PAFAH1B2: variants seen among roughly 807,000 people sequenced by gnomAD.
The protein encoded by PAFAH1B2 is platelet activating factor acetylhydrolase 1b catalytic subunit 2, also known as platelet-activating factor acetylhydrolase IB subunit alpha2.
Under a neutral mutation model 28.0 loss-of-function variants are expected in PAFAH1B2, and 8 were observed. The ratio of observed to expected loss-of-function variants is 0.29; its 90% CI spans 0.17 to 0.52. PAFAH1B2 has a LOEUF of 0.52. Ranked by LOEUF, PAFAH1B2 falls within the 20% of genes least tolerant of loss-of-function variation. The pLI, the probability that PAFAH1B2 is intolerant of heterozygous loss-of-function variation, is 0.97. For missense variants in PAFAH1B2, 190 were observed against 282.6 expected (o/e 0.67, Z 2.35); for synonymous variants, 104 against 103.2 (o/e 1.01, Z -0.05).
chr11:117,175,531 A>G, downstream of PAFAH1B2: 2 of 1,102,680 alleles, frequency 1.8e-6, no homozygotes, highest in Non-Finnish European at 2.2e-6. Context: ...ATCCCTTCAG[A>G]GTTTGCTTGG....
chr11:117,153,146 A>T (rs1436134501), intron 2 of PAFAH1B2, among the ~76,000 whole-genome samples: 1 of 152,250 alleles, frequency 6.6e-6, no homozygotes, highest in African/African-American at 2.4e-5. Flanking sequence ...AATAGTCAAC[A>T]AGAATTTGTT....
Position 117,169,569 on chromosome 11 carries a change from C to T in PAFAH1B2, c.*1870C>T, listed in dbSNP as rs908177988. ...TGGGCTCATTTTTTTCTTGTGAAGTCTCTTTCTAGAAAATTTTTTGGTTTT... is the reference window on the plus strand; with the variant it reads ...TGGGCTCATTTTTTTCTTGTGAAGTTTCTTTCTAGAAAATTTTTTGGTTTT... On this transcript the variant is annotated 3_prime_UTR_variant, in exon 6 of 6. Transcript: ENST00000527958. 28 of 1,054,962 alleles carry T rather than the reference C, an allele frequency of 2.7e-5. No homozygotes were observed. The African/African-American group carries it at 4.6e-4, about 17-fold the overall frequency. 65.4% of individuals were successfully genotyped at this position (1,054,962 alleles called of 1,614,324 possible).
chr11:117,146,437 A>T (rs553777741), intron 1 of PAFAH1B2, among the ~76,000 whole-genome samples: 1 of 152,112 alleles, frequency 6.6e-6, no homozygotes, highest in African/African-American at 2.4e-5. Context: ...GTTCGTTCTT[A>T]TTTTATGTGT....
chr11:117,149,430 GTTT>G (rs746125678), intron 1 of PAFAH1B2, among the ~76,000 whole-genome samples: 2 of 86,050 alleles, frequency 2.3e-5, no homozygotes, highest in African/African-American at 9.3e-5. Flanking sequence ...TTTTCTAATC[GTTT>G]TTTTTTTTTT....
downstream of PAFAH1B2, chr11:117,171,067 C>G: frequency 2.0e-6 from 2 of 1,024,696 alleles, no homozygotes; most frequent in Non-Finnish European, 2.3e-6. Flanking sequence ...CTTTCTGTCT[C>G]CTTTATCATA....
chr11:117,158,376 T>G (rs899195038), intron 2 of PAFAH1B2, among the ~76,000 whole-genome samples: 2 of 151,698 alleles, frequency 1.3e-5, no homozygotes, highest in Non-Finnish European at 2.9e-5. Flanking sequence ...TGTGCCTTTA[T>G]AACAGAAAGA....
intron 2 of PAFAH1B2, among the ~76,000 whole-genome samples, chr11:117,159,229 C>CAGT (rs1956317839): frequency 6.6e-6 from 1 of 152,072 alleles, no homozygotes; most frequent in Non-Finnish European, 1.5e-5. Context: ...ATTCTGGTTT[C>CAGT]AGTAGAATTC....
downstream of PAFAH1B2, chr11:117,175,192 G>A: frequency 8.9e-7 from 1 of 1,118,586 alleles, no homozygotes; most frequent in Non-Finnish European, 1.1e-6. Context: ...TGTATATTAT[G>A]CCAGGGAATG....
intron 1 of PAFAH1B2, among the ~76,000 whole-genome samples, chr11:117,150,362 C>G (rs1956121925): frequency 6.6e-6 from 1 of 151,802 alleles, no homozygotes; most frequent in Admixed American, 6.6e-5. Flanking sequence ...GTTGGCCAGG[C>G]TGGTCTTGAA....
downstream of PAFAH1B2, among the ~76,000 whole-genome samples, chr11:117,173,594 G>A (rs191325773): frequency 1.6e-4 from 25 of 152,210 alleles, no homozygotes; most frequent in Non-Finnish European, 1.3e-4. Context: ...TATGTGCCAG[G>A]GCAACAGGCC....
At chr11:117,174,164 T>TGTGTGTGTGTGTGTG (rs1555034628), downstream of PAFAH1B2, among the ~76,000 whole-genome samples, 67 of 138,808 alleles carry the variant, frequency 4.8e-4, no homozygotes, top group Non-Finnish European at 7.8e-4. Context: ...TTCATGTCTT[T>TGTGTGTGTGTGTGTG]TGTGTGTGTG....
At chr11:117,155,569 A>G (rs1164307506) in intron 2 of PAFAH1B2, among the ~76,000 whole-genome samples, 1 of 152,196 alleles carries the variant, frequency 6.6e-6, no homozygotes, top group Non-Finnish European at 1.5e-5. Flanking sequence ...AACCAGTTCT[A>G]ATATATTGCT....
intron 1 of PAFAH1B2, among the ~76,000 whole-genome samples, chr11:117,146,835 A>G: frequency 1.7e-5 from 1 of 58,644 alleles, no homozygotes; most frequent in Non-Finnish European, 4.7e-5. Flanking sequence ...ATCCCCATCT[A>G]TTGGAAAAAA....
In PAFAH1B2 at chr11:117,157,159, T is replaced by C. The variant is rs149310493; in HGVS notation, c.82-2775T>C. On this transcript the variant is annotated intron_variant, in intron 2 of 5. Transcript: ENST00000527958. The stretch of plus-strand genomic sequence containing the variant: ...CTCATATCTCCTCAGTTTAAAAATA[T>C]TTACTGAAACAATAGTAATTTTTAA... Among the ~76,000 whole-genome samples, 981 of 152,142 alleles carry C rather than the reference T, an allele frequency of 6.4e-3. 8 individuals are homozygous for C. Among genetic ancestry groups the C allele is most frequent in the African/African-American group, 0.022 (917 of 41,516 alleles).
In PAFAH1B2 at chr11:117,165,641, A is replaced by G. The variant is rs184071354; in HGVS notation, c.411+1749A>G. Among the ~76,000 whole-genome samples the G allele has an allele frequency of 3.0e-4, 45 of 152,328 alleles. No individual in the cohort carries two copies. The East Asian group carries it at 8.5e-3, about 29-fold the overall frequency. ...GAGTAAGGTGAAAACGTGTTTAACA[A>G]AAGTTGACATCTGCATTCAAAGACT... On this transcript the variant is annotated intron_variant, in intron 5 of 5. Coordinates refer to ENST00000527958, the MANE Select transcript of PAFAH1B2 (RefSeq NM_002572.4).
intron 1 of PAFAH1B2, among the ~76,000 whole-genome samples, chr11:117,150,068 G>A (rs1956113815): frequency 6.6e-6 from 1 of 152,122 alleles, no homozygotes; most frequent in South Asian, 2.1e-4. Flanking sequence ...GTTTTAATTT[G>A]ATTTAAGCCT....
chr11:117,175,205 G>A (rs1436652519), downstream of PAFAH1B2: 2 of 1,107,264 alleles, frequency 1.8e-6, no homozygotes, highest in African/African-American at 3.2e-5. Context: ...AGGGAATGCG[G>A]TAGCTGGACC....
downstream of PAFAH1B2, among the ~76,000 whole-genome samples, chr11:117,172,191 AATTT>A (rs1489045308): frequency 6.6e-6 from 1 of 151,936 alleles, no homozygotes; most frequent in Admixed American, 6.6e-5. Flanking sequence ...TCTGTCCCCT[AATTT>A]ATTTTCCAGC....
In PAFAH1B2 at chr11:117,168,435, C is replaced by T. The variant is rs1308974731; in HGVS notation, c.*736C>T. 3 of 907,894 alleles carry T rather than the reference C, an allele frequency of 3.3e-6. No homozygotes were observed. The highest frequency in any genetic ancestry group is 5.5e-5 in the South Asian group (1 of 18,332). 56.2% of individuals were successfully genotyped at this position (907,894 alleles called of 1,614,324 possible). On this transcript the variant is annotated 3_prime_UTR_variant, in exon 6 of 6. Transcript: ENST00000527958. ...ATGCCCCCCTTTCCCCTTCATTCCC[C>T]CCGCCACCCCGTTTTTTTTTTTTTT...
Sources: allele counts gnomAD v4.1 joint callset (sites outside exome capture counted in the v4.1 genomes callset), GRCh38; gene constraint gnomAD v4.1.1; transcripts MANE v1.5; gene names NCBI Gene and HGNC (gene_info 2026-07-23, HGNC 2026-07-21).